Variants in ABCC8 observed in about 807,000 individuals in gnomAD.
ABCC8 encodes ATP binding cassette subfamily C member 8, also known as ATP-binding cassette sub-family C member 8.
ABCC8 carries 137 observed loss-of-function variants against 188.0 expected under a neutral mutation model. That is an observed-to-expected ratio of 0.73 (90% CI 0.63 to 0.84). The LOEUF is 0.84. Among genes scored for constraint, ABCC8 ranks in the 40% least tolerant of loss-of-function variants. The pLI is 0.00. For synonymous variants in ABCC8, 797 were observed against 846.5 expected (o/e 0.94, Z 1.01); for missense variants, 1,750 against 2,072.7 (o/e 0.84, Z 3.02).
rs1432121917 is a variant in ABCC8, at chr11:17,408,476, G to T, written c.2736C>A (p.Thr912=). 6.2e-7 allele frequency: 1 copy of T among 1,613,576 alleles called. No homozygotes were observed. Among genetic ancestry groups the T allele is most frequent in the South Asian group, 1.1e-5 (1 of 91,080 alleles). ...MKDGTIQREG[T]LKDFQRSECQ... ...ATTCAGACCTCTGGAAGTCCTTGAGGGTACCCTCCCTCTGGATGGTGCCAT... is the reference window on the plus strand; with the variant it reads ...ATTCAGACCTCTGGAAGTCCTTGAGTGTACCCTCCCTCTGGATGGTGCCAT... The change falls in exon 23 of 39, where the codon ACC becomes ACA. Residue 912 remains threonine, a synonymous_variant. Coordinates refer to ENST00000389817, the MANE Select transcript of ABCC8 (RefSeq NM_000352.6).
At chr11:17,464,312 CA>C (rs766881497) in intron 3 of ABCC8, among the ~76,000 whole-genome samples, 6 of 152,224 alleles carry the variant, frequency 3.9e-5, no homozygotes, top group Non-Finnish European at 8.8e-5. Flanking sequence ...GAGCCCACCA[CA>C]GCATGATGAT....
At chr11:17,461,525 C>A in intron 5 of ABCC8, 58 bp downstream of exon 5, 1 of 1,608,680 alleles carries the variant, frequency 6.2e-7, no homozygotes, top group South Asian at 1.1e-5. Context: ...TGAGGTCCCT[C>A]TCTGTGACCC....
intron 6 of ABCC8, among the ~76,000 whole-genome samples, chr11:17,456,073 T>A (rs1434414749): frequency 6.6e-6 from 1 of 151,522 alleles, no homozygotes; most frequent in Non-Finnish European, 1.5e-5. Context: ...ATGATAGCAC[T>A]GGTCAGCACC....
At chr11:17,447,134 C>T (rs1326181311) in intron 8 of ABCC8, among the ~76,000 whole-genome samples, 1 of 152,158 alleles carries the variant, frequency 6.6e-6, no homozygotes, top group African/African-American at 2.4e-5. Context: ...CCTGTCTCAC[C>T]CAAGTCACTT....
intron 2 of ABCC8, among the ~76,000 whole-genome samples, chr11:17,473,350 T>C (rs1450031724): frequency 5.9e-5 from 9 of 152,092 alleles, no homozygotes; most frequent in Non-Finnish European, 1.3e-4. Context: ...GGGACTTTAA[T>C]AAGCAGGCAG....
intron 11 of ABCC8, 134 bp from the exon 12 acceptor site, chr11:17,431,093 G>A: frequency 2.1e-6 from 3 of 1,399,458 alleles, no homozygotes; most frequent in Non-Finnish European, 2.9e-6. Context: ...TTTAGTTGGA[G>A]ACACCTTCAT....
chr11:17,476,783 G>C lies in ABCC8; in HGVS notation c.-7C>G. The C allele has an allele frequency of 6.5e-7, 1 of 1,546,132 alleles. No individual in the cohort carries two copies. Among genetic ancestry groups the C allele is most frequent in the Non-Finnish European group, 8.7e-7 (1 of 1,146,226 alleles). ...CGCAGAAGGCCAGGGGCATGGCGGC[G>C]CGGGCGCGGGCTGGGCTCGGGCTCA... On this transcript the variant is annotated 5_prime_UTR_variant, in exon 1 of 39. Transcript: ENST00000389817.
chr11:17,402,351 C>A (rs548337843), intron 29 of ABCC8, among the ~76,000 whole-genome samples: 1 of 152,154 alleles, frequency 6.6e-6, no homozygotes, highest in Non-Finnish European at 1.5e-5. Context: ...TAGGGTGGCC[C>A]GCACCTAAGG....
intron 8 of ABCC8, 99 bp downstream of exon 8, chr11:17,448,417 G>A (rs1313359450): frequency 1.5e-5 from 16 of 1,065,234 alleles, no homozygotes; most frequent in Non-Finnish European, 2.2e-5. Flanking sequence ...GGCAAGCATG[G>A]AGTGGAAGAC....
intron 29 of ABCC8, among the ~76,000 whole-genome samples, chr11:17,399,320 A>T (rs933122655): frequency 6.7e-6 from 1 of 149,590 alleles, no homozygotes; most frequent in African/African-American, 2.5e-5. Context: ...AAAAAAGAAT[A>T]TTAATGACCT....
Position 17,460,541 on chromosome 11 carries a change from T to C in ABCC8, c.958A>G (p.Ile320Val), listed in dbSNP as rs1346223957. 1.9e-6 allele frequency: 3 copies of C among 1,614,130 alleles called. No individual in the cohort carries two copies. The highest frequency in any genetic ancestry group is 2.5e-6 in the Non-Finnish European group (3 of 1,180,038). ...DLLGFAGPLC[I>V]FGIVDHLGKE... Reference sequence around the variant, plus strand: ...CCAAGGTGGTCCACGATCCCAAAGATGCACAGTGGCCCGGCGAAGCCCAGC... The same window carrying C: ...CCAAGGTGGTCCACGATCCCAAAGACGCACAGTGGCCCGGCGAAGCCCAGC... Residue 320 changes from isoleucine to valine, a missense_variant, in exon 6 of 39, where the codon ATC becomes GTC. Coordinates refer to ENST00000389817, the MANE Select transcript of ABCC8 (RefSeq NM_000352.6).
At chr11:17,456,867 T>C (rs1280875164) in intron 6 of ABCC8, among the ~76,000 whole-genome samples, 1 of 152,212 alleles carries the variant, frequency 6.6e-6, no homozygotes, top group African/African-American at 2.4e-5. Flanking sequence ...CATTATTCCT[T>C]CTTTGCAGAA....
At chr11:17,469,404 C>A (rs1218007451) in intron 3 of ABCC8, among the ~76,000 whole-genome samples, 1 of 152,054 alleles carries the variant, frequency 6.6e-6, no homozygotes, top group South Asian at 2.1e-4. Flanking sequence ...CAGGCTCAAG[C>A]TTTAGATGTC....
At chr11:17,428,426 A>G (rs1591798151) in intron 13 of ABCC8, 21 bp from the exon 14 acceptor site, 2 of 1,610,156 alleles carry the variant, frequency 1.2e-6, no homozygotes, top group East Asian at 4.5e-5. Context: ...TTTGGAGGTG[A>G]GGACCCACTG....
At chr11:17,436,120 T>TG in intron 10 of ABCC8, 1 of 800,854 alleles carries the variant, frequency 1.2e-6, no homozygotes, top group Non-Finnish European at 2.3e-6. Flanking sequence ...GGTACAGAGC[T>TG]GAGGGCTAAA....
chr11:17,450,444 G>A (rs1373602042), intron 7 of ABCC8, among the ~76,000 whole-genome samples: 7 of 141,616 alleles, frequency 4.9e-5, no homozygotes, highest in African/African-American at 1.3e-4. Flanking sequence ...GCCCAGGCTG[G>A]AGTGCGGTGG....
chr11:17,450,196 A>AAAAG (rs1244329657), intron 7 of ABCC8, among the ~76,000 whole-genome samples: 1 of 151,730 alleles, frequency 6.6e-6, no homozygotes, highest in Non-Finnish European at 1.5e-5. Context: ...GGAAATCTCC[A>AAAAG]AAAGAAAGAA....
chr11:17,405,682 C>G, intron 26 of ABCC8, 119 bp from the exon 27 acceptor site: 2 of 1,561,338 alleles, frequency 1.3e-6, no homozygotes, highest in Non-Finnish European at 1.7e-6. Context: ...GGTCTGGCAT[C>G]CTCTGCCAAT....
chr11:17,426,113 C>A (rs980989146), intron 16 of ABCC8, among the ~76,000 whole-genome samples: 7 of 152,154 alleles, frequency 4.6e-5, no homozygotes, highest in African/African-American at 1.7e-4. Context: ...GTTTCCAAGT[C>A]TTTGCTATTG....
Sources: allele counts gnomAD v4.1 joint callset (sites outside exome capture counted in the v4.1 genomes callset), GRCh38; gene constraint gnomAD v4.1.1; transcripts MANE v1.5; gene names NCBI Gene and HGNC (gene_info 2026-07-23, HGNC 2026-07-21).